The following FRMPD1 variants were observed in gnomAD, a reference collection of about 807,000 sequenced individuals.
FRMPD1 encodes FERM and PDZ domain-containing protein 1.
A neutral mutation model predicts 117.8 loss-of-function variants in FRMPD1; 76 were observed. The ratio of observed to expected loss-of-function variants is 0.65; its 90% CI spans 0.54 to 0.78. FRMPD1 has a LOEUF of 0.78. Ranked by LOEUF, FRMPD1 falls within the 30% of genes least tolerant of loss-of-function variation. FRMPD1 has a pLI of 0.00. For synonymous variants in FRMPD1, 783 were observed against 770.4 expected, an observed-to-expected ratio of 1.02 and a Z score of -0.27; for missense variants, 1,786 against 1,964.5, an observed-to-expected ratio of 0.91 and a Z score of 1.72.
rs1822786479 is a variant in FRMPD1, at chr9:37,708,317, T to G, written c.260-82T>G. 13 of 794,726 alleles carry G rather than the reference T, an allele frequency of 1.6e-5. 1 individual carries two copies. The highest frequency in any genetic ancestry group is 2.6e-5 in the Non-Finnish European group (12 of 465,744). The allele number at this position is 794,726 out of a possible 1,614,324, so 49.2% of individuals were successfully genotyped here. ...AGTGCCCCTGGGAACTGGATCAGGG[T>G]GCCATTTAACTGTGCCGCTATTACA... On this transcript the variant is annotated intron_variant, in intron 3 of 15. Transcript: ENST00000377765.
the FRMPD1 span, among the ~76,000 whole-genome samples, chr9:37,634,229 G>A: frequency 5.3e-5 from 8 of 152,130 alleles, no homozygotes; most frequent in African/African-American, 1.9e-4. Context: ...AACTGCTTTT[G>A]TTGTTGTTGT....
chr9:37,711,371 A>C lies in FRMPD1; in HGVS notation c.384A>C (p.Ser128=). The change falls in exon 5 of 16, where the codon TCA becomes TCC. Residue 128 remains serine (S), a synonymous_variant. Coordinates refer to ENST00000377765, the MANE Select transcript of FRMPD1 (RefSeq NM_014907.3). ...DILREAEDSL[S]ITVVRCTSGV... ...TCAGGGAAGCAGAAGATTCTCTTTC[A>C]ATCACAGTTGTTCGCTGCACGTCGG... is the stretch of plus-strand genomic sequence containing the variant. 1 of 1,610,366 alleles carries C rather than the reference A, an allele frequency of 6.2e-7. No individual in the cohort carries two copies. Among genetic ancestry groups the C allele is most frequent in the Non-Finnish European group, 8.5e-7 (1 of 1,176,580 alleles).
intron 1 of FRMPD1, among the ~76,000 whole-genome samples, chr9:37,689,268 G>A (rs777525201): frequency 2.0e-5 from 3 of 151,974 alleles, no homozygotes; most frequent in African/African-American, 4.8e-5. Flanking sequence ...CCATTTTTCA[G>A]TGTTTACATT....
the FRMPD1 span, among the ~76,000 whole-genome samples, chr9:37,604,773 G>A: frequency 3.3e-5 from 5 of 152,126 alleles, no homozygotes; most frequent in Admixed American, 6.5e-5. Context: ...AGACCTTCCT[G>A]AAAAATGAGG....
chr9:37,655,992 G>A (rs1820832279), intron 1 of FRMPD1, among the ~76,000 whole-genome samples: 1 of 152,080 alleles, frequency 6.6e-6, no homozygotes, highest in Non-Finnish European at 1.5e-5. Context: ...CCTGATACTT[G>A]GTACCTCTCA....
At chr9:37,614,575 T>G in the FRMPD1 span, among the ~76,000 whole-genome samples, 1 of 152,236 alleles carries the variant, frequency 6.6e-6, no homozygotes, top group Admixed American at 6.5e-5. Flanking sequence ...GGCATTACCT[T>G]AATGAAGTTA....
In FRMPD1 at chr9:37,736,858, AGTGTGTGT is replaced by A. The variant is rs60521691; in HGVS notation, c.1402-225_1402-218del. Among the ~76,000 whole-genome samples, 255 of 148,196 alleles carry A rather than the reference AGTGTGTGT, an allele frequency of 1.7e-3. 1 individual carries two copies. The highest frequency in any genetic ancestry group is 6.2e-3 in the African/African-American group (249 of 40,146). ...GTGAGTGAGTGTGTGAGTGCGTGAG[AGTGTGTGT>A]GTGTGTGTGTGTATGTGTGCGCACA... On this transcript the variant is annotated intron_variant, in intron 13 of 15. Transcript: ENST00000377765.
chr9:37,665,172 A>G (rs1436354127), intron 1 of FRMPD1, among the ~76,000 whole-genome samples: 1 of 152,256 alleles, frequency 6.6e-6, no homozygotes, highest in Non-Finnish European at 1.5e-5. Flanking sequence ...ACCAGCATAT[A>G]TGGTAAGTTC....
chr9:37,699,855 C>T (rs1652506594), intron 2 of FRMPD1, among the ~76,000 whole-genome samples: 1 of 152,062 alleles, frequency 6.6e-6, no homozygotes, highest in Admixed American at 6.6e-5. Flanking sequence ...GTGTACACAC[C>T]CATGCATGTA....
In FRMPD1 at chr9:37,714,994, T is replaced by G. The variant is rs1823058845; in HGVS notation, c.408+3599T>G. On this transcript the variant is annotated intron_variant, in intron 5 of 15. Coordinates refer to ENST00000377765, the MANE Select transcript of FRMPD1 (RefSeq NM_014907.3). ...GCAAAATGATCATATATGTCTTGCT[T>G]TAGCAAGGAGCCTCATTGTTGTCGT... 2.6e-5 allele frequency among the ~76,000 whole-genome samples: 4 copies of G among 152,300 alleles called. No homozygotes were observed. The South Asian group carries it at 8.3e-4, about 32-fold the overall frequency.
In FRMPD1 at chr9:37,737,756, G is replaced by A. The variant is rs966437616; in HGVS notation, c.1549+513G>A. The stretch of plus-strand genomic sequence containing the variant: ...GAGAATCGCTTGAACCCAGGAAGTG[G>A]AGGTTGCAGTGAGCCGAGATCGTGC... On this transcript the variant is annotated intron_variant, in intron 14 of 15. Coordinates refer to ENST00000377765, the MANE Select transcript of FRMPD1 (RefSeq NM_014907.3). Among the ~76,000 whole-genome samples, 11 of 151,218 alleles carry A rather than the reference G, an allele frequency of 7.3e-5. 1 individual carries two copies. In the South Asian group the frequency reaches 1.5e-3, roughly 20 times the overall value.
At chr9:37,677,364 T>G (rs139034465) in intron 1 of FRMPD1, among the ~76,000 whole-genome samples, 54 of 152,342 alleles carry the variant, frequency 3.5e-4, no homozygotes, top group African/African-American at 1.2e-3. Context: ...GAGTCAAATC[T>G]CAGCCCACCA....
chr9:37,745,569 A>G lies in FRMPD1; in HGVS notation c.3537A>G (p.Arg1179=), dbSNP rs553637224. 1 of 1,614,126 alleles carries G rather than the reference A, an allele frequency of 6.2e-7. No homozygotes were observed. Among genetic ancestry groups the G allele is most frequent in the South Asian group, 1.1e-5 (1 of 91,082 alleles). The change falls in exon 16 of 16, where the codon AGA becomes AGG. Residue 1179 remains arginine (R), a synonymous_variant. Coordinates refer to ENST00000377765, the MANE Select transcript of FRMPD1 (RefSeq NM_014907.3). Reference sequence around the variant, plus strand: ...AGCAGATCCCACCACATCCCCCTAGAGACCCTCAAGGACAGAGCAGAGAAC... The same window carrying G: ...AGCAGATCCCACCACATCCCCCTAGGGACCCTCAAGGACAGAGCAGAGAAC... ...GTEQIPPHPP[R]DPQGQSREPP... is the part of the protein sequence containing the mutation.
At chr9:37,651,314 G>T (rs1820666729) in intron 1 of FRMPD1, among the ~76,000 whole-genome samples, 1 of 152,162 alleles carries the variant, frequency 6.6e-6, no homozygotes, top group Non-Finnish European at 1.5e-5. Context: ...CAGTAGCGAT[G>T]TGTGCTTAAG....
the FRMPD1 span, among the ~76,000 whole-genome samples, chr9:37,622,063 G>A: frequency 6.6e-6 from 1 of 152,174 alleles, no homozygotes; most frequent in Admixed American, 6.5e-5. Context: ...TGCTTTAGCA[G>A]TAAAAGTGCC....
the FRMPD1 span, among the ~76,000 whole-genome samples, chr9:37,619,928 A>C: frequency 6.6e-5 from 10 of 152,028 alleles, no homozygotes; most frequent in African/African-American, 9.7e-5. Flanking sequence ...AAAAAAAAAA[A>C]AAACCTGTAT....
chr9:37,664,538 TCAA>T (rs1821102965), intron 1 of FRMPD1, among the ~76,000 whole-genome samples: 1 of 152,132 alleles, frequency 6.6e-6, no homozygotes, highest in Admixed American at 6.5e-5. Flanking sequence ...TTCTCATTGT[TCAA>T]CTCCCACTTA....
chr9:37,656,934 GAA>G (rs11307017), intron 1 of FRMPD1, among the ~76,000 whole-genome samples: 150 of 147,272 alleles, frequency 1.0e-3, no homozygotes, highest in African/African-American at 3.2e-3. Context: ...TGGTGAAAAA[GAA>G]AAAAAAAAAC....
the FRMPD1 span, among the ~76,000 whole-genome samples, chr9:37,634,761 CTTCT>C: frequency 6.6e-6 from 1 of 150,752 alleles, no homozygotes; most frequent in African/African-American, 2.4e-5. Context: ...TTTTTTTCTT[CTTCT>C]TTTTTTTTTT....
Sources: allele counts gnomAD v4.1 joint callset (sites outside exome capture counted in the v4.1 genomes callset), GRCh38; gene constraint gnomAD v4.1.1; transcripts MANE v1.5; gene names NCBI Gene and HGNC (gene_info 2026-07-23, HGNC 2026-07-21).